The following GAS7 variants were observed in gnomAD, a reference collection of about 807,000 sequenced individuals.
GAS7 encodes growth arrest specific 7.
In GAS7, 28 loss-of-function variants were observed where a neutral mutation model predicts 71.1. That is an observed-to-expected ratio of 0.39 (90% CI 0.29 to 0.54). GAS7 has a LOEUF of 0.54. Ranked by LOEUF, GAS7 falls within the 20% of genes least tolerant of loss-of-function variation. The pLI is 0.62. For synonymous variants in GAS7, 258 were observed against 245.8 expected (o/e 1.05, Z -0.46); for missense variants, 436 against 627.8 (o/e 0.69, Z 3.27).
At chr17:10,008,904 G>T (rs1453157324) in intron 2 of GAS7, among the ~76,000 whole-genome samples, 2 of 152,132 alleles carry the variant, frequency 1.3e-5, no homozygotes, top group Non-Finnish European at 2.9e-5. Context: ...AAAAATAGAT[G>T]TATGTTTTTG....
chr17:10,085,127 G>A (rs772454278), intron 1 of GAS7, among the ~76,000 whole-genome samples: 24 of 152,120 alleles, frequency 1.6e-4, no homozygotes, highest in Admixed American at 5.2e-4. Context: ...AGGTTTCCCC[G>A]GTCTCTGCCC....
chr17:10,085,617 G>T (rs948101149), intron 1 of GAS7, among the ~76,000 whole-genome samples: 1 of 150,930 alleles, frequency 6.6e-6, no homozygotes, highest in African/African-American at 2.4e-5. Context: ...GCATGAACCC[G>T]GGAGGCAGAG....
intron 9 of GAS7, among the ~76,000 whole-genome samples, chr17:9,930,835 C>T (rs956666319): frequency 6.6e-6 from 1 of 152,232 alleles, no homozygotes; most frequent in African/African-American, 2.4e-5. Flanking sequence ...CACTAGGCTG[C>T]TGCGATGACC....
At chr17:10,022,272 A>G (rs2072299600) in intron 1 of GAS7, among the ~76,000 whole-genome samples, 1 of 152,194 alleles carries the variant, frequency 6.6e-6, no homozygotes, top group African/African-American at 2.4e-5. Context: ...GAACAAAAAA[A>G]TACAACTACA....
intron 1 of GAS7, among the ~76,000 whole-genome samples, chr17:10,024,488 C>A (rs1361801001): frequency 6.6e-6 from 1 of 152,194 alleles, no homozygotes; most frequent in African/African-American, 2.4e-5. Flanking sequence ...GGGACAGACC[C>A]CACCTGGAAG....
At chr17:10,134,120 T>C (rs2074020062) in intron 1 of GAS7, among the ~76,000 whole-genome samples, 1 of 151,944 alleles carries the variant, frequency 6.6e-6, no homozygotes, top group Non-Finnish European at 1.5e-5. Flanking sequence ...AAGCTCTGCC[T>C]CCCGGGTTCA....
chr17:9,922,529 G>A lies in GAS7; in HGVS notation c.1139-2824C>T, dbSNP rs571831948. ...CAAAAGAGACAATGCTCTAAAGCAT[G>A]GAGGCTGGCCACAGCGAGTGCTCAG... is the stretch of plus-strand genomic sequence containing the variant. On this transcript the variant is annotated intron_variant, in intron 11 of 13. Transcript: ENST00000432992. 2.0e-5 allele frequency among the ~76,000 whole-genome samples: 3 copies of A among 152,356 alleles called. No homozygotes were observed. In the East Asian group the frequency reaches 5.8e-4, roughly 29 times the overall value.
chr17:10,057,055 C>T (rs1055664665), intron 1 of GAS7, among the ~76,000 whole-genome samples: 5 of 152,206 alleles, frequency 3.3e-5, no homozygotes, highest in Admixed American at 6.5e-5. Context: ...CTCGGCCTCC[C>T]GAGGTGCCGT....
At chr17:10,076,066 T>TCAA (rs1567581764) in intron 1 of GAS7, among the ~76,000 whole-genome samples, 1 of 134,708 alleles carries the variant, frequency 7.4e-6, no homozygotes, top group Non-Finnish European at 1.5e-5. Flanking sequence ...TGCACTATTG[T>TCAA]ACTCCAGCCT....
intron 11 of GAS7, among the ~76,000 whole-genome samples, chr17:9,924,373 A>G (rs565885236): frequency 1.3e-5 from 2 of 152,170 alleles, no homozygotes; most frequent in East Asian, 3.9e-4. Flanking sequence ...ATGAGGTACT[A>G]TGTTGCCCAG....
chr17:10,019,164 T>C (rs2072161911), intron 2 of GAS7, among the ~76,000 whole-genome samples: 1 of 152,016 alleles, frequency 6.6e-6, no homozygotes, highest in Admixed American at 6.6e-5. Flanking sequence ...ATTATTGGGG[T>C]CATTGAGGTG....
intron 4 of GAS7, among the ~76,000 whole-genome samples, chr17:9,966,928 T>C (rs1169110510): frequency 1.3e-5 from 2 of 152,222 alleles, no homozygotes; most frequent in African/African-American, 4.8e-5. Context: ...AATGTTACCC[T>C]TTCAAAGCCT....
intron 2 of GAS7, among the ~76,000 whole-genome samples, chr17:9,997,457 A>G (rs2071092461): frequency 6.6e-6 from 1 of 152,206 alleles, no homozygotes; most frequent in African/African-American, 2.4e-5. Context: ...ATCTGATAAC[A>G]TAGGAAAAAC....
rs554379317 is a variant in GAS7 at position 10,169,995 on chromosome 17, C to T, written c.183+28213G>A. Among the ~76,000 whole-genome samples the T allele has an allele frequency of 2.0e-4, 30 of 152,320 alleles. 1 individual carries two copies. Among genetic ancestry groups the T allele is most frequent in the African/African-American group, 6.3e-4 (26 of 41,566 alleles). On this transcript the variant is annotated intron_variant, in intron 1 of 13. Coordinates refer to ENST00000432992, the MANE Select transcript of GAS7 (RefSeq NM_201433.2). Reference sequence around the variant, plus strand: ...TTGAAACTCGCTTTGAGTTCTCTCTCAAACCTTATACGTGCAACCCATTAC... The same window carrying T: ...TTGAAACTCGCTTTGAGTTCTCTCTTAAACCTTATACGTGCAACCCATTAC...
At chr17:9,973,216 G>A (rs1428217330) in intron 3 of GAS7, among the ~76,000 whole-genome samples, 2 of 151,140 alleles carry the variant, frequency 1.3e-5, no homozygotes, top group Non-Finnish European at 2.9e-5. Flanking sequence ...CAGAATTAGG[G>A]ATTAGAAAGA....
intron 2 of GAS7, among the ~76,000 whole-genome samples, chr17:10,016,006 T>A (rs1159567760): frequency 6.6e-6 from 1 of 152,134 alleles, no homozygotes; most frequent in Non-Finnish European, 1.5e-5. Context: ...TCTTATTAAA[T>A]CCCCAGTATC....
chr17:10,128,301 G>C (rs971598575), intron 1 of GAS7, among the ~76,000 whole-genome samples: 1 of 152,220 alleles, frequency 6.6e-6, no homozygotes, highest in African/African-American at 2.4e-5. Flanking sequence ...CTTGTGGAGA[G>C]TCCACAGACG....
At chr17:10,061,559 GT>G (rs1202951143) in intron 1 of GAS7, among the ~76,000 whole-genome samples, 1 of 152,232 alleles carries the variant, frequency 6.6e-6, no homozygotes, top group South Asian at 2.1e-4. Context: ...GTTTTATTGA[GT>G]TTTTTTATAT....
At chr17:10,183,298 C>T (rs1312106681) in intron 1 of GAS7, among the ~76,000 whole-genome samples, 1 of 152,062 alleles carries the variant, frequency 6.6e-6, no homozygotes, top group Non-Finnish European at 1.5e-5. Context: ...ATCGATAATG[C>T]TGCACCAGAC....
Sources: gnomAD v4.1 joint callset for allele counts (sites outside exome capture counted in the v4.1 genomes callset) on GRCh38, gnomAD v4.1.1 for gene constraint, MANE v1.5 for transcripts, NCBI Gene and HGNC (gene_info 2026-07-23, HGNC 2026-07-21) for gene names.